The following PLXNA2 variants were observed in gnomAD, a reference collection of about 807,000 sequenced individuals.
The protein encoded by PLXNA2 is plexin A2, also known as plexin-A2.
Under a neutral mutation model 193.5 loss-of-function variants are expected in PLXNA2, and 91 were observed. The ratio of observed to expected loss-of-function variants is 0.47; its 90% CI spans 0.40 to 0.56. PLXNA2 has a LOEUF of 0.56. Ranked by LOEUF, PLXNA2 falls within the 20% of genes least tolerant of loss-of-function variation. The pLI is 0.00. For synonymous variants in PLXNA2, 997 were observed against 1,027.3 expected (o/e 0.97, Z 0.56); for missense variants, 1,995 against 2,503.2 (o/e 0.80, Z 4.33).
chr1:208,048,237 T>C (rs1392287641), intron 17 of PLXNA2, among the ~76,000 whole-genome samples: 1 of 152,190 alleles, frequency 6.6e-6, no homozygotes, highest in Non-Finnish European at 1.5e-5. Flanking sequence ...GCGGCTTCAC[T>C]CTGGCCCTCC....
In PLXNA2 at chr1:208,051,575, C is replaced by T. The variant is rs1571864033; in HGVS notation, c.2994-152G>A. On this transcript the variant is annotated intron_variant, in intron 15 of 31. Transcript: ENST00000367033. ...TTCTACAACAATGGAACACATCCCG[C>T]ATCAGTATAGATCAGTGCCCCAGTG... is the stretch of plus-strand genomic sequence containing the variant. 1.6e-5 allele frequency: 10 copies of T among 628,932 alleles called. No homozygotes were observed. The East Asian group carries it at 2.6e-4, about 17-fold the overall frequency. 39.0% of individuals were successfully genotyped at this position (628,932 alleles called of 1,614,324 possible).
intron 1 of PLXNA2, 101 bp from the exon 2 acceptor site, chr1:208,218,103 G>A: frequency 4.2e-6 from 4 of 953,056 alleles, no homozygotes; most frequent in Non-Finnish European, 6.2e-6. Flanking sequence ...AGCTCTGTGA[G>A]TCTCCTCCTT....
Position 208,085,664 on chromosome 1 carries a change from T to A in PLXNA2, c.2098-1084A>T, listed in dbSNP as rs552415534. ...ACACAGGGAATCTCCTGTGGCCACC[T>A]CTTGTCATGGTGTGGCTCGGGCTGT... On this transcript the variant is annotated intron_variant, in intron 9 of 31. Transcript: ENST00000367033. 7.9e-5 allele frequency among the ~76,000 whole-genome samples: 12 copies of A among 152,372 alleles called. No homozygotes were observed. In the South Asian group the frequency reaches 2.5e-3, roughly 32 times the overall value.
chr1:208,210,199 C>T (rs773037993), intron 3 of PLXNA2, 81 bp downstream of exon 3: 16 of 1,475,102 alleles, frequency 1.1e-5, no homozygotes, highest in Non-Finnish European at 1.5e-5. Context: ...AGTTAAATCT[C>T]CACCAATAGC....
Position 208,204,578 on chromosome 1 carries a change from C to A in PLXNA2, c.1371+5702G>T, listed in dbSNP as rs1311060676. Among the ~76,000 whole-genome samples the A allele has an allele frequency of 3.3e-5, 5 of 152,210 alleles. No homozygotes were observed. In the South Asian group the frequency reaches 1.0e-3, roughly 32 times the overall value. The stretch of plus-strand genomic sequence containing the variant: ...ACATCATACCTTCCTTCCTTCGCAA[C>A]CAACCACATCAACAGGAGTCACCGT... On this transcript the variant is annotated intron_variant, in intron 3 of 31. Transcript: ENST00000367033.
intron 3 of PLXNA2, among the ~76,000 whole-genome samples, chr1:208,152,209 G>A (rs1297016732): frequency 6.6e-6 from 1 of 152,224 alleles, no homozygotes; most frequent in Non-Finnish European, 1.5e-5. Context: ...ACCATTATCT[G>A]ACACTGGACT....
intron 4 of PLXNA2, among the ~76,000 whole-genome samples, chr1:208,141,899 A>T (rs1668465477): frequency 6.6e-6 from 1 of 152,210 alleles, no homozygotes; most frequent in African/African-American, 2.4e-5. Context: ...GACTCACGCC[A>T]AGATTTTTAT....
At chr1:208,097,245 C>A (rs540406937) in intron 6 of PLXNA2, among the ~76,000 whole-genome samples, 1 of 152,312 alleles carries the variant, frequency 6.6e-6, no homozygotes, top group African/African-American at 2.4e-5. Context: ...GAAAGCAAGT[C>A]CTGAGCCGAG....
chr1:208,141,995 C>G (rs1269033635), intron 4 of PLXNA2, among the ~76,000 whole-genome samples: 3 of 152,234 alleles, frequency 2.0e-5, no homozygotes. Context: ...TCTTTGGCTC[C>G]CTTGAGCAGC....
At position 208,095,945 on chromosome 1, in the gene PLXNA2, C is replaced by T. The variant is rs1374482070; in HGVS notation, c.1982+84G>A. ...TGAGGTGACTACAACGTGGTTCCTG[C>T]CCTAAAGGAGCTTAGCATCGAGGGG... is the stretch of plus-strand genomic sequence containing the variant. On this transcript the variant is annotated intron_variant, in intron 8 of 31. Coordinates refer to ENST00000367033, the MANE Select transcript of PLXNA2 (RefSeq NM_025179.4). 6 of 1,057,584 alleles carry T rather than the reference C, an allele frequency of 5.7e-6. No homozygotes were observed. In the East Asian group the frequency reaches 7.1e-5, roughly 13 times the overall value. The allele number at this position is 1,057,584 out of a possible 1,614,324, so 65.5% of individuals were successfully genotyped here.
In PLXNA2 at chr1:208,127,827, C is replaced by A. The variant is rs11800323; in HGVS notation, c.1506+14502G>T. Among the ~76,000 whole-genome samples the A allele has an allele frequency of 8.1e-3, 1,233 of 152,288 alleles. 19 individuals are homozygous for A. The highest frequency in any genetic ancestry group is 0.027 in the African/African-American group (1,133 of 41,554). ...AGTAAAACGGGGTGAGAAGAAGAGG[C>A]CTGCAGGAGAGAATCTGCAGTAGAA... is the stretch of plus-strand genomic sequence containing the variant. On this transcript the variant is annotated intron_variant, in intron 4 of 31. Coordinates refer to ENST00000367033, the MANE Select transcript of PLXNA2 (RefSeq NM_025179.4).
chr1:208,116,426 G>C (rs1214033264), intron 4 of PLXNA2, among the ~76,000 whole-genome samples: 1 of 152,172 alleles, frequency 6.6e-6, no homozygotes, highest in Non-Finnish European at 1.5e-5. Flanking sequence ...CTTGCCCAAT[G>C]ATCCAGGTTT....
rs1009316871 is a variant in PLXNA2 at position 208,096,340 on chromosome 1, C to A, written c.1886-215G>T. 9.9e-5 allele frequency among the ~76,000 whole-genome samples: 15 copies of A among 152,120 alleles called. 1 individual carries two copies. Among genetic ancestry groups the A allele is most frequent in the Non-Finnish European group, 4.4e-5 (3 of 68,028 alleles). ...CTCAGACCCAGACTTCCTCTGCCTGCAGGGAGGAAGAAGCAGATTCCACGG... is the reference window on the plus strand; with the variant it reads ...CTCAGACCCAGACTTCCTCTGCCTGAAGGGAGGAAGAAGCAGATTCCACGG... On this transcript the variant is annotated intron_variant, in intron 7 of 31. Coordinates refer to ENST00000367033, the MANE Select transcript of PLXNA2 (RefSeq NM_025179.4).
chr1:208,051,693 T>A (rs1665269258), intron 15 of PLXNA2, among the ~76,000 whole-genome samples: 1 of 152,098 alleles, frequency 6.6e-6, no homozygotes, highest in African/African-American at 2.4e-5. Flanking sequence ...TTTTTCTGGA[T>A]TTTTCTAGAA....
intron 9 of PLXNA2, among the ~76,000 whole-genome samples, chr1:208,091,378 GACTCCATT>G (rs1417239852): frequency 6.6e-6 from 1 of 152,190 alleles, no homozygotes; most frequent in African/African-American, 2.4e-5. Context: ...GAAGACACAA[GACTCCATT>G]ACTTGAAATC....
chr1:208,082,379 AG>A lies in PLXNA2; in HGVS notation c.2395+32del, dbSNP rs747000248. ...CCCAGTCTTTCCCGGGGTCGTGAAA[AG>A]ATCAAACTTCTACCCGGAAGTAGCC... On this transcript the variant is annotated intron_variant, in intron 11 of 31. Transcript: ENST00000367033. This position sits in a 1 kb window ranked among gnomAD's most constrained non-coding sequence, Gnocchi z 4.2. 1.3e-6 allele frequency: 2 copies of A among 1,570,054 alleles called. No homozygotes were observed. Among genetic ancestry groups the A allele is most frequent in the Non-Finnish European group, 1.8e-6 (2 of 1,141,960 alleles).
chr1:208,109,482 C>T (rs376017503), intron 4 of PLXNA2, among the ~76,000 whole-genome samples: 4 of 152,174 alleles, frequency 2.6e-5, no homozygotes, highest in Admixed American at 6.5e-5. Flanking sequence ...AGATCAATAA[C>T]GCAGTCACAG....
chr1:208,135,585 C>T (rs995732451), intron 4 of PLXNA2, among the ~76,000 whole-genome samples: 8 of 152,298 alleles, frequency 5.3e-5, no homozygotes, highest in Middle Eastern at 6.8e-3. Flanking sequence ...AGCAAATCAA[C>T]AGCAAGCTTT....
chr1:208,152,683 GCACACACA>G (rs56051287), intron 3 of PLXNA2, among the ~76,000 whole-genome samples: 34 of 140,264 alleles, frequency 2.4e-4, no homozygotes, highest in African/African-American at 4.9e-4. Flanking sequence ...ACACACACAC[GCACACACA>G]CACACACACA....
Sources: gnomAD v4.1 joint callset for allele counts (sites outside exome capture counted in the v4.1 genomes callset) on GRCh38, gnomAD v4.1.1 for gene constraint, Gnocchi (gnomAD v3.1) non-coding constraint, MANE v1.5 for transcripts, NCBI Gene and HGNC (gene_info 2026-07-23, HGNC 2026-07-21) for gene names.